Variants in OXGR1 observed in about 807,000 individuals in gnomAD.
The protein encoded by OXGR1 is 2-oxoglutarate receptor 1.
OXGR1 carries 10 observed loss-of-function variants against 10.0 expected under a neutral mutation model. The ratio of observed to expected loss-of-function variants is 1.00; its 90% CI spans 0.62 to 1.70. The LOEUF (loss-of-function observed/expected upper bound fraction) is 1.70, where lower values mean the gene tolerates loss of function less well. Ranked by LOEUF, OXGR1 falls within the 40% of genes most tolerant of loss-of-function variation. The probability of loss-of-function intolerance (pLI) is 0.00; values close to 1 mark genes in which losing one functional copy is unlikely to be tolerated. For missense variants in OXGR1, 398 were observed against 407.6 expected, an observed-to-expected ratio of 0.98 and a Z score of 0.20; for synonymous variants, 191 against 155.9, an observed-to-expected ratio of 1.22 and a Z score of -1.68.
At chr13:96,989,283 G>T (rs992509745) in intron 3 of OXGR1, among the ~76,000 whole-genome samples, 2 of 152,132 alleles carry the variant, frequency 1.3e-5, no homozygotes. Context: ...GAGTACAGAG[G>T]TATATTTCAA....
rs138031079 is a variant in OXGR1 at position 96,987,830 on chromosome 13, C to T, written c.-71G>A. On this transcript the variant is annotated 5_prime_UTR_variant, in exon 4 of 4. Transcript: ENST00000541038. Reference sequence around the variant, plus strand: ...GCAATATGAATCAAATGAGCAGTAACTCGCTGATAAAGGAAAACAGAAAAC... The same window carrying T: ...GCAATATGAATCAAATGAGCAGTAATTCGCTGATAAAGGAAAACAGAAAAC... 98 of 1,498,502 alleles carry T rather than the reference C, an allele frequency of 6.5e-5. 1 individual carries two copies. In the African/African-American group the frequency reaches 1.2e-3, roughly 18 times the overall value. The allele number at this position is 1,498,502 out of a possible 1,614,324, so 92.8% of individuals were successfully genotyped here.
At chr13:96,993,822 T>A (rs1294615761) in intron 1 of OXGR1, among the ~76,000 whole-genome samples, 1 of 45,674 alleles carries the variant, frequency 2.2e-5, no homozygotes, top group African/African-American at 8.8e-5. Flanking sequence ...GGGGTGGGGG[T>A]GGGGCAGAGT....
In OXGR1 at chr13:96,986,312, T is replaced by C. The variant is rs1881734843; in HGVS notation, c.*434A>G. On this transcript the variant is annotated 3_prime_UTR_variant, in exon 4 of 4. Transcript: ENST00000541038. ...AGAAAGATACAAGTAGTGGTTTGAA[T>C]TGTCTAATGGTTCAATACAAATAGG... The C allele has an allele frequency of 6.4e-6, 1 of 157,458 alleles. No individual in the cohort carries two copies. The highest frequency in any genetic ancestry group is 1.9e-4 in the South Asian group (1 of 5,150). The allele number at this position is 157,458 out of a possible 1,614,324, so 9.8% of individuals were successfully genotyped here. A position where few individuals can be genotyped will look rare whatever the true frequency, so the allele number is the denominator to read the frequency against.
At chr13:96,992,127 A>C (rs1051725653) in intron 2 of OXGR1, among the ~76,000 whole-genome samples, 3 of 128,136 alleles carry the variant, frequency 2.3e-5, no homozygotes, top group African/African-American at 8.1e-5. Context: ...TAATGTGTAC[A>C]AAAAAAAAAA....
rs1048326308 is a variant in OXGR1, at chr13:96,985,885, A to G, written c.*861T>C. Reference sequence around the variant, plus strand: ...ATATGTTCATTGTAGTCATAAAAGAACAAGGAGTCTAAAGAGAATTAGCGT... The same window carrying G: ...ATATGTTCATTGTAGTCATAAAAGAGCAAGGAGTCTAAAGAGAATTAGCGT... On this transcript the variant is annotated 3_prime_UTR_variant, in exon 4 of 4. Transcript: ENST00000541038. 6.6e-6 allele frequency: 1 copy of G among 152,238 alleles called. No homozygotes were observed. The highest frequency in any genetic ancestry group is 6.5e-5 in the Admixed American group (1 of 15,292). The allele number at this position is 152,238 out of a possible 1,614,324, so 9.4% of individuals were successfully genotyped here.
rs754641161 is a variant in OXGR1 at position 96,986,920 on chromosome 13, G to A, written c.840C>T (p.Ile280=). The part of the protein sequence containing the change: ...LSISCSIENQ[I]HEAYIVSRPL... ...GTCTAGAAACGATGTAAGCTTCATG[G>A]ATCTGATTCTCAATGGAACAACTGA... The change falls in exon 4 of 4, where the codon ATC becomes ATT. Residue 280 remains isoleucine (I), a synonymous_variant. Coordinates refer to ENST00000541038, the MANE Select transcript of OXGR1 (RefSeq NM_001346194.2). 1 of 1,614,156 alleles carries A rather than the reference G, an allele frequency of 6.2e-7. No individual in the cohort carries two copies. Among genetic ancestry groups the A allele is most frequent in the Non-Finnish European group, 8.5e-7 (1 of 1,180,026 alleles).
chr13:96,993,815 G>A (rs1882180671), intron 1 of OXGR1, among the ~76,000 whole-genome samples: 1 of 151,730 alleles, frequency 6.6e-6, no homozygotes, highest in South Asian at 2.1e-4. Flanking sequence ...CTTGTTGGGG[G>A]TGGGGGTGGG....
At chr13:96,988,495 C>T (rs1425974625) in intron 3 of OXGR1, among the ~76,000 whole-genome samples, 3 of 152,178 alleles carry the variant, frequency 2.0e-5, no homozygotes, top group East Asian at 1.9e-4. Flanking sequence ...ATAGATTGCA[C>T]GTATTGCAAC....
At chr13:96,988,042 C>T (rs545542455) in intron 3 of OXGR1, among the ~76,000 whole-genome samples, 12 of 152,142 alleles carry the variant, frequency 7.9e-5, no homozygotes, top group African/African-American at 2.9e-4. Context: ...GTTAAATTAC[C>T]ATGAGAGTTA....
intron 3 of OXGR1, among the ~76,000 whole-genome samples, chr13:96,988,699 A>C: frequency 6.6e-6 from 1 of 152,318 alleles, no homozygotes; most frequent in Middle Eastern, 3.4e-3. Flanking sequence ...GCCATTTAGT[A>C]GCGTGTTCCT....
At chr13:96,992,102 G>C (rs1212715537) in intron 2 of OXGR1, among the ~76,000 whole-genome samples, 2 of 151,800 alleles carry the variant, frequency 1.3e-5, no homozygotes, top group African/African-American at 4.9e-5. Context: ...GTGGGGGACT[G>C]GTGGAGGGGA....
chr13:96,990,065 T>C (rs1049272751), intron 2 of OXGR1, among the ~76,000 whole-genome samples: 1 of 152,176 alleles, frequency 6.6e-6, no homozygotes, highest in Non-Finnish European at 1.5e-5. Flanking sequence ...GCAACATAGA[T>C]GTTAAAAGTG....
chr13:96,993,823 G>C (rs1337763949), intron 1 of OXGR1, among the ~76,000 whole-genome samples: 1 of 151,556 alleles, frequency 6.6e-6, no homozygotes, highest in African/African-American at 2.4e-5. Context: ...GGGTGGGGGT[G>C]GGGCAGAGTC....
rs759582884 is a variant in OXGR1, at chr13:96,987,709, A to T, written c.51T>A (p.Tyr17Ter). ...CAGTGCAATTTCCAAAAGCAGCTGC[A>T]TAATCGGGGAAATCAGAAGCATTTG... is the stretch of plus-strand genomic sequence containing the variant. The part of the protein sequence containing the change: ...YLANASDFPD[Y>*]AAAFGNCTDE... Residue 17 changes from tyrosine (Y) to a stop codon, truncating the protein, a stop_gained, in exon 4 of 4, where the codon TAT becomes TAA. Transcript: ENST00000541038. LOFTEE classifies it high-confidence loss of function. The T allele has an allele frequency of 6.2e-7, 1 of 1,611,288 alleles. No individual in the cohort carries two copies. The highest frequency in any genetic ancestry group is 8.5e-7 in the Non-Finnish European group (1 of 1,178,324).
rs995395300 is a variant in OXGR1 at position 96,985,819 on chromosome 13, C to A, written c.*927G>T. Reference sequence around the variant, plus strand: ...ATATTTATACTTACCGATAATTAAGCACACATACAATTCAAAAATATCTTT... The same window carrying A: ...ATATTTATACTTACCGATAATTAAGAACACATACAATTCAAAAATATCTTT... On this transcript the variant is annotated 3_prime_UTR_variant, in exon 4 of 4. Coordinates refer to ENST00000541038, the MANE Select transcript of OXGR1 (RefSeq NM_001346194.2). The A allele has an allele frequency of 6.6e-6, 1 of 152,166 alleles. No homozygotes were observed. The highest frequency in any genetic ancestry group is 1.5e-5 in the Non-Finnish European group (1 of 68,036). 9.4% of individuals were successfully genotyped at this position (152,166 alleles called of 1,614,324 possible).
chr13:96,990,946 C>CA (rs765856782), intron 2 of OXGR1, among the ~76,000 whole-genome samples: 1,086 of 97,132 alleles, frequency 0.011, 40 homozygotes, highest in Non-Finnish European at 0.013. Context: ...AAGACTCTTT[C>CA]AAAAAAAAAA....
intron 2 of OXGR1, among the ~76,000 whole-genome samples, chr13:96,991,793 AG>A (rs1378832983): frequency 6.6e-6 from 1 of 152,228 alleles, no homozygotes; most frequent in Non-Finnish European, 1.5e-5. Context: ...TGTTTGTTGC[AG>A]CCCTGTTCAC....
chr13:96,987,922 T>A (rs767079799), intron 3 of OXGR1, 89 bp from the exon 4 acceptor site: 12 of 941,470 alleles, frequency 1.3e-5, no homozygotes, highest in Admixed American at 3.7e-5. Context: ...ATCCTAAATT[T>A]GCCACTTCTC....
At chr13:96,988,780 G>T (rs1055085463) in intron 3 of OXGR1, among the ~76,000 whole-genome samples, 18 of 152,124 alleles carry the variant, frequency 1.2e-4, no homozygotes, top group Non-Finnish European at 1.0e-4. Context: ...GCTTATTAGT[G>T]TTTTTAAAAA....
Sources: allele counts gnomAD v4.1 joint callset (sites outside exome capture counted in the v4.1 genomes callset), GRCh38; gene constraint gnomAD v4.1.1; transcripts MANE v1.5; gene names NCBI Gene and HGNC (gene_info 2026-07-23, HGNC 2026-07-21).